The following PRKN variants were observed in gnomAD, a reference collection of about 807,000 sequenced individuals.
PRKN encodes E3 ubiquitin-protein ligase parkin.
A neutral mutation model predicts 59.5 loss-of-function variants in PRKN; 56 were observed. The ratio of observed to expected loss-of-function variants is 0.94; its 90% CI spans 0.76 to 1.18. The LOEUF is 1.18. Among genes scored for constraint, PRKN ranks in the 50% most tolerant of loss-of-function variants. The pLI is 0.00. For missense variants in PRKN, 657 were observed against 596.4 expected (o/e 1.10, Z -1.06); for synonymous variants, 250 against 222.1 (o/e 1.13, Z -1.12).
chr6:162,727,336 A>AGGGGAGGGGCGGCGGCGGGGG, intron 1 of PRKN: 1 of 274,936 alleles, frequency 3.6e-6, no homozygotes, highest in Non-Finnish European at 6.5e-6. Context: ...GGCGGCGGGG[A>AGGGGAGGGGCGGCGGCGGGGG]GAAGGCTTCG....
chr6:161,392,425 T>G (rs1409517006), intron 9 of PRKN, among the ~76,000 whole-genome samples: 1 of 151,930 alleles, frequency 6.6e-6, no homozygotes, highest in African/African-American at 2.4e-5. Context: ...GGTCACTTTA[T>G]TCCCAATCTT....
intron 5 of PRKN, among the ~76,000 whole-genome samples, chr6:162,022,601 AT>A (rs1783250302): frequency 6.6e-6 from 1 of 151,954 alleles, no homozygotes; most frequent in African/African-American, 2.4e-5. Context: ...CTTTGCAAAT[AT>A]TTTCTCTCAT....
chr6:162,134,217 T>C (rs1270093087), intron 4 of PRKN, among the ~76,000 whole-genome samples: 1 of 152,148 alleles, frequency 6.6e-6, no homozygotes. Context: ...AACTGAACAC[T>C]ACAGTGGAAG....
At chr6:162,456,584 T>A (rs1206420126) in intron 1 of PRKN, among the ~76,000 whole-genome samples, 1 of 152,206 alleles carries the variant, frequency 6.6e-6, no homozygotes, top group Non-Finnish European at 1.5e-5. Flanking sequence ...TTGATTCTTG[T>A]TATTTTCTAT....
intron 6 of PRKN, among the ~76,000 whole-genome samples, chr6:161,913,117 A>G (rs1052825693): frequency 6.7e-6 from 1 of 148,898 alleles, no homozygotes; most frequent in Admixed American, 6.8e-5. Flanking sequence ...CAGTGAGCTG[A>G]GATCACACCA....
chr6:161,754,463 A>C (rs113910201), intron 7 of PRKN, among the ~76,000 whole-genome samples: 2,235 of 152,066 alleles, frequency 0.015, 37 homozygotes, highest in South Asian at 0.057. Context: ...AGGGGTGGGG[A>C]CACGAGGGCC....
chr6:162,170,430 A>G (rs1783218850), intron 4 of PRKN, among the ~76,000 whole-genome samples: 1 of 152,182 alleles, frequency 6.6e-6, no homozygotes, highest in Admixed American at 6.5e-5. Context: ...TAATTTGAAC[A>G]TTATCCCTCT....
At chr6:161,884,061 AAACT>A (rs1310592215) in intron 6 of PRKN, among the ~76,000 whole-genome samples, 4 of 152,302 alleles carry the variant, frequency 2.6e-5, no homozygotes, top group East Asian at 3.9e-4. Flanking sequence ...ACATAACATG[AAACT>A]AACTGTCAAC....
At chr6:162,468,027 T>G (rs935322582) in intron 1 of PRKN, among the ~76,000 whole-genome samples, 42 of 152,312 alleles carry the variant, frequency 2.8e-4, no homozygotes, top group African/African-American at 7.7e-4. Context: ...CCTCCCTAAC[T>G]ACTCTCTCAT....
At chr6:162,727,335 G>A (rs1779296825) in intron 1 of PRKN, 2 of 400,354 alleles carry the variant, frequency 5.0e-6, no homozygotes, top group Non-Finnish European at 4.5e-6. Flanking sequence ...CGGCGGCGGG[G>A]AGAAGGCTTC....
chr6:162,320,362 C>CAA (rs55793911), intron 2 of PRKN, among the ~76,000 whole-genome samples: 120 of 7,290 alleles, frequency 0.016, 8 homozygotes, highest in African/African-American at 0.025. Flanking sequence ...TACAAAAAGC[C>CAA]AAAAAAAAAA....
intron 4 of PRKN, among the ~76,000 whole-genome samples, chr6:162,127,350 C>T (rs1249641116): frequency 6.6e-6 from 1 of 152,302 alleles, no homozygotes; most frequent in South Asian, 2.1e-4. Context: ...TAATGCTTTT[C>T]ATTGCTGTCT....
At chr6:162,225,857 C>G (rs1357470009) in intron 3 of PRKN, among the ~76,000 whole-genome samples, 1 of 149,978 alleles carries the variant, frequency 6.7e-6, no homozygotes, top group African/African-American at 2.5e-5. Context: ...CTGCTGGCTA[C>G]AGAAAATGAC....
chr6:161,741,015 G>C (rs115413679), intron 7 of PRKN, among the ~76,000 whole-genome samples: 289 of 152,266 alleles, frequency 1.9e-3, no homozygotes, highest in African/African-American at 6.7e-3. Context: ...ACAAATAATT[G>C]ACAACTACTC....
chr6:162,315,784 C>T (rs1782731332), intron 2 of PRKN, among the ~76,000 whole-genome samples: 1 of 152,158 alleles, frequency 6.6e-6, no homozygotes, highest in Non-Finnish European at 1.5e-5. Flanking sequence ...TCCACTCCAT[C>T]CATTCATTTC....
chr6:161,359,541 G>A lies in PRKN; in HGVS notation c.1285+547C>T, dbSNP rs1784895295. Among the ~76,000 whole-genome samples, 1 of 152,240 alleles carries A rather than the reference G, an allele frequency of 6.6e-6. No homozygotes were observed. The highest frequency in any genetic ancestry group is 1.5e-5 in the Non-Finnish European group (1 of 68,038). The stretch of plus-strand genomic sequence containing the variant: ...ATTGAGAAAGGGCTCTCGGACCACT[G>A]GTTGTGATGGCTTTGCCCTGAGTGG... On this transcript the variant is annotated intron_variant, in intron 11 of 11. Coordinates refer to ENST00000366898, the MANE Select transcript of PRKN (RefSeq NM_004562.3). The surrounding 1 kb of genome is among the most constrained non-coding windows in gnomAD (Gnocchi z 5.4).
chr6:161,792,414 C>G lies in PRKN; in HGVS notation c.735-6506G>C, dbSNP rs79034709. On this transcript the variant is annotated intron_variant, in intron 6 of 11. Coordinates refer to ENST00000366898, the MANE Select transcript of PRKN (RefSeq NM_004562.3). ...CTGAGGTCAAGAGAAAAGAATGGAG[C>G]TGTGAAAGCACAGAGCAGGAAAAGA... Among the ~76,000 whole-genome samples, 1,271 of 152,256 alleles carry G rather than the reference C, an allele frequency of 8.3e-3. 8 individuals are homozygous for G. The highest frequency in any genetic ancestry group is 0.012 in the Non-Finnish European group (842 of 68,034).
chr6:161,872,354 A>C (rs1185358009), intron 6 of PRKN, among the ~76,000 whole-genome samples: 1 of 152,210 alleles, frequency 6.6e-6, no homozygotes, highest in Non-Finnish European at 1.5e-5. Flanking sequence ...TTATATATTT[A>C]AACAGGGCAG....
Position 161,970,021 on chromosome 6 carries a change from G to A in PRKN, c.734+3281C>T, listed in dbSNP as rs571814334. On this transcript the variant is annotated intron_variant, in intron 6 of 11. Transcript: ENST00000366898. ...CCTATTTTTAAAAAACTGTTTTCAT[G>A]GCAGAGAAAATTTATTATGATTTTC... Among the ~76,000 whole-genome samples the A allele has an allele frequency of 3.9e-5, 6 of 151,990 alleles. No individual in the cohort carries two copies. The South Asian group carries it at 1.2e-3, about 32-fold the overall frequency.
Sources: allele counts gnomAD v4.1 joint callset (sites outside exome capture counted in the v4.1 genomes callset), GRCh38; gene constraint gnomAD v4.1.1; non-coding constraint Gnocchi (gnomAD v3.1); transcripts MANE v1.5; gene names NCBI Gene and HGNC (gene_info 2026-07-23, HGNC 2026-07-21).